OR9Q1: variants seen among roughly 807,000 people sequenced by gnomAD.
OR9Q1 encodes the protein olfactory receptor 9Q1.
For synonymous variants in OR9Q1, 153 were observed against 148.6 expected, an observed-to-expected ratio of 1.03 and a Z score of -0.22; for missense variants, 374 against 378.8, an observed-to-expected ratio of 0.99 and a Z score of 0.11.
chr11:58,163,711 G>A (rs376085327), intron 2 of OR9Q1, among the ~76,000 whole-genome samples: 3 of 152,208 alleles, frequency 2.0e-5, no homozygotes, highest in African/African-American at 7.2e-5. Flanking sequence ...CTTTTCCTAG[G>A]TGGATCAGTT....
At chr11:58,077,648 G>A (rs1013323168) in intron 2 of OR9Q1, 17 of 152,168 alleles carry the variant, frequency 1.1e-4, no homozygotes, top group Non-Finnish European at 2.4e-4. Context: ...AGATCAGGAT[G>A]ACCCTAGTGC....
intron 2 of OR9Q1, among the ~76,000 whole-genome samples, chr11:58,152,991 TGGTGCCTG>T (rs1336273835): frequency 6.6e-6 from 1 of 152,248 alleles, no homozygotes. Flanking sequence ...AAAGTGATGC[TGGTGCCTG>T]GCACAGAGCC....
intron 2 of OR9Q1, among the ~76,000 whole-genome samples, chr11:58,113,133 C>CT (rs929031977): frequency 6.6e-6 from 1 of 152,142 alleles, no homozygotes; most frequent in African/African-American, 2.4e-5. Context: ...CCATTTCAGC[C>CT]TCAGAATTCT....
intron 2 of OR9Q1, among the ~76,000 whole-genome samples, chr11:58,098,437 C>T (rs1853752373): frequency 2.0e-5 from 3 of 149,242 alleles, no homozygotes; most frequent in Admixed American, 6.9e-5. Context: ...GTAGTAATGC[C>T]CTTTTTCATT....
intron 1 of OR9Q1, among the ~76,000 whole-genome samples, chr11:58,030,505 C>G (rs1469937083): frequency 6.6e-6 from 1 of 152,196 alleles, no homozygotes; most frequent in South Asian, 2.1e-4. Flanking sequence ...CTTGGGAAAT[C>G]AAGCTCTTGA....
intron 2 of OR9Q1, among the ~76,000 whole-genome samples, chr11:58,114,526 A>AT (rs1238971032): frequency 6.6e-6 from 1 of 152,056 alleles, no homozygotes; most frequent in African/African-American, 2.4e-5. Flanking sequence ...AGGGATATTA[A>AT]ATCCTCCTTT....
intron 1 of OR9Q1, among the ~76,000 whole-genome samples, chr11:58,034,034 G>C (rs1014359783): frequency 6.7e-6 from 1 of 149,094 alleles, no homozygotes; most frequent in Non-Finnish European, 1.5e-5. Context: ...TAGGATGTTG[G>C]CTAAGAAAGT....
intron 1 of OR9Q1, among the ~76,000 whole-genome samples, chr11:58,032,626 G>C (rs148132598): frequency 1.9e-4 from 29 of 152,204 alleles, no homozygotes; most frequent in African/African-American, 6.5e-4. Context: ...ATGGATTAAA[G>C]ACTTAAATAT....
chr11:58,070,430 C>A (rs2120017765), intron 2 of OR9Q1, among the ~76,000 whole-genome samples: 1 of 152,232 alleles, frequency 6.6e-6, no homozygotes, highest in East Asian at 1.9e-4. Context: ...TCACCCACCA[C>A]CCCACACACT....
intron 2 of OR9Q1, chr11:58,118,971 C>T: frequency 1.2e-6 from 2 of 1,613,888 alleles, no homozygotes; most frequent in Non-Finnish European, 1.7e-6. Context: ...AAGTGGTACG[C>T]AGGATGGCTC....
chr11:58,145,349 C>T (rs1332602560), intron 2 of OR9Q1: 1 of 152,542 alleles, frequency 6.6e-6, no homozygotes, highest in African/African-American at 2.4e-5. Context: ...CAATGATCTA[C>T]AGCCTGAGAA....
intron 1 of OR9Q1, among the ~76,000 whole-genome samples, chr11:58,033,775 A>C (rs951566096): frequency 2.6e-5 from 4 of 152,208 alleles, no homozygotes; most frequent in African/African-American, 9.6e-5. Flanking sequence ...AATTAAAAAA[A>C]TAAAAGGACA....
chr11:58,033,005 A>T (rs886205892), intron 1 of OR9Q1, among the ~76,000 whole-genome samples: 1 of 152,226 alleles, frequency 6.6e-6, no homozygotes, highest in Non-Finnish European at 1.5e-5. Context: ...ATATGAAAAA[A>T]TTCTCATCAT....
intron 2 of OR9Q1, among the ~76,000 whole-genome samples, chr11:58,164,473 G>A (rs1854483371): frequency 6.6e-6 from 1 of 152,058 alleles, no homozygotes; most frequent in East Asian, 1.9e-4. Flanking sequence ...AAAGAGCAGG[G>A]GTCATGAGCA....
At chr11:58,094,111 A>G (rs1301915485) in intron 2 of OR9Q1, among the ~76,000 whole-genome samples, 1 of 152,238 alleles carries the variant, frequency 6.6e-6, no homozygotes, top group Non-Finnish European at 1.5e-5. Context: ...CTACTCAGCC[A>G]TAAAAAGGAT....
At chr11:58,119,055 C>T (rs1853994668) in intron 2 of OR9Q1, 12 of 1,613,996 alleles carry the variant, frequency 7.4e-6, no homozygotes, top group Non-Finnish European at 9.3e-6. Context: ...CGGTATAGAG[C>T]AGTGGGTTGC....
chr11:58,118,729 G>T (rs1436336065), intron 2 of OR9Q1: 1 of 1,614,040 alleles, frequency 6.2e-7, no homozygotes, highest in Non-Finnish European at 8.5e-7. Flanking sequence ...GGCACATGTG[G>T]AGAAAGTCTT....
intron 1 of OR9Q1, among the ~76,000 whole-genome samples, chr11:58,042,107 G>A (rs552636883): frequency 2.0e-4 from 30 of 152,192 alleles, no homozygotes; most frequent in Non-Finnish European, 2.6e-4. Context: ...TTTTTAAACC[G>A]TGCTACCCTT....
intron 2 of OR9Q1, chr11:58,057,578 T>A (rs1853340372): frequency 6.6e-6 from 1 of 152,238 alleles, no homozygotes. Flanking sequence ...CTGGATTGGA[T>A]GTTTTACATT....
Sources: gnomAD v4.1 joint callset for allele counts (sites outside exome capture counted in the v4.1 genomes callset) on GRCh38, gnomAD v4.1.1 for gene constraint, MANE v1.5 for transcripts, NCBI Gene and HGNC (gene_info 2026-07-23, HGNC 2026-07-21) for gene names.